TMED5: variants seen among roughly 807,000 people sequenced by gnomAD.
TMED5 encodes transmembrane emp24 domain-containing protein 5.
A neutral mutation model predicts 23.0 loss-of-function variants in TMED5; 27 were observed. The ratio of observed to expected loss-of-function variants is 1.17; its 90% CI spans 0.86 to 1.62. The LOEUF (loss-of-function observed/expected upper bound fraction) is 1.62, where lower values mean the gene tolerates loss of function less well. TMED5 is among the 40% of genes most tolerant of loss of function. TMED5 has a pLI of 0.00. For synonymous variants in TMED5, 97 were observed against 100.8 expected, an observed-to-expected ratio of 0.96 and a Z score of 0.23; for missense variants, 248 against 273.7, an observed-to-expected ratio of 0.91 and a Z score of 0.66.
rs1007326832 is a variant in TMED5, at chr1:93,151,405, A to G, written c.*3265T>C. ...TGAACAAGTTTTAAAATATTTCTGA[A>G]AATGAAATAGTCTCAAAGGAGTTTT... On this transcript the variant is annotated 3_prime_UTR_variant, in exon 4 of 4. Transcript: ENST00000370282. 6.6e-6 allele frequency: 1 copy of G among 152,210 alleles called. No individual in the cohort carries two copies. The highest frequency in any genetic ancestry group is 2.4e-5 in the African/African-American group (1 of 41,446). The allele number at this position is 152,210 out of a possible 1,614,324, so 9.4% of individuals were successfully genotyped here. A position where few individuals can be genotyped will look rare whatever the true frequency, so the allele number is the denominator to read the frequency against.
In TMED5 at chr1:93,150,478, T is replaced by C. The variant is rs1239369476; in HGVS notation, c.*4192A>G. 1 of 152,238 alleles carries C rather than the reference T, an allele frequency of 6.6e-6. No individual in the cohort carries two copies. Among genetic ancestry groups the C allele is most frequent in the Non-Finnish European group, 1.5e-5 (1 of 68,042 alleles). 9.4% of individuals were successfully genotyped at this position (152,238 alleles called of 1,614,324 possible). ...AGGGATAACTGTCAAGTAGTACAAA[T>C]GCCAGTTATATGTTAAATGTATGTT... On this transcript the variant is annotated 3_prime_UTR_variant, in exon 4 of 4. Transcript: ENST00000370282.
intron 2 of TMED5, among the ~76,000 whole-genome samples, chr1:93,157,609 G>A (rs537777330): frequency 3.7e-4 from 57 of 152,076 alleles, no homozygotes; most frequent in African/African-American, 1.2e-3. Flanking sequence ...CTAGCTACTC[G>A]GGAGGCTTGG....
At chr1:93,179,420 G>T (rs1298359757) in intron 1 of TMED5, among the ~76,000 whole-genome samples, 1 of 149,610 alleles carries the variant, frequency 6.7e-6, no homozygotes, top group Non-Finnish European at 1.5e-5. Context: ...AATGCTCAAT[G>T]AAAAAATGAA....
Position 93,152,280 on chromosome 1 carries a change from A to T in TMED5, c.*2390T>A, listed in dbSNP as rs1188530678. ...CTTAGTTAAATATTGTAGTATTTTTAAAATTTGTATATTGAAAAAGACAAA... is the reference window on the plus strand; with the variant it reads ...CTTAGTTAAATATTGTAGTATTTTTTAAATTTGTATATTGAAAAAGACAAA... On this transcript the variant is annotated 3_prime_UTR_variant, in exon 4 of 4. Coordinates refer to ENST00000370282, the MANE Select transcript of TMED5 (RefSeq NM_016040.5). 1 of 152,586 alleles carries T rather than the reference A, an allele frequency of 6.6e-6. No individual in the cohort carries two copies. Among genetic ancestry groups the T allele is most frequent in the African/African-American group, 2.4e-5 (1 of 41,442 alleles). 9.5% of individuals were successfully genotyped at this position (152,586 alleles called of 1,614,324 possible).
chr1:93,171,119 A>C (rs1372660488), intron 1 of TMED5, among the ~76,000 whole-genome samples: 1 of 152,026 alleles, frequency 6.6e-6, no homozygotes, highest in Non-Finnish European at 1.5e-5. Context: ...AACACTCACC[A>C]CGAAGGTCTG....
chr1:93,169,457 A>C (rs895771152), intron 1 of TMED5, among the ~76,000 whole-genome samples: 2 of 152,162 alleles, frequency 1.3e-5, no homozygotes, highest in African/African-American at 4.8e-5. Flanking sequence ...TTATTAGAAA[A>C]GAAGAAAGAT....
intron 1 of TMED5, among the ~76,000 whole-genome samples, chr1:93,171,781 C>G (rs909572691): frequency 6.6e-6 from 1 of 152,190 alleles, no homozygotes; most frequent in Non-Finnish European, 1.5e-5. Flanking sequence ...ACCAGTATCT[C>G]TTAGGAACAC....
At chr1:93,158,580 TTG>T (rs1407577275) in intron 2 of TMED5, among the ~76,000 whole-genome samples, 3 of 150,896 alleles carry the variant, frequency 2.0e-5, no homozygotes, top group Admixed American at 6.6e-5. Flanking sequence ...ATTTTTAGTT[TTG>T]TTTTTTTTTT....
At chr1:93,176,576 G>T (rs1185007986) in intron 1 of TMED5, among the ~76,000 whole-genome samples, 1 of 151,898 alleles carries the variant, frequency 6.6e-6, no homozygotes, top group Admixed American at 6.6e-5. Flanking sequence ...TCTTGTCACC[G>T]AGGCTGGAGT....
rs1647945570 is a variant in TMED5 at position 93,153,388 on chromosome 1, T to A, written c.*1282A>T. ...TTAATAAAAGTTGTTATAATAAAAA[T>A]TTTTAATAAATATGTACACCCAGTG... On this transcript the variant is annotated 3_prime_UTR_variant, in exon 4 of 4. Transcript: ENST00000370282. 1 of 152,108 alleles carries A rather than the reference T, an allele frequency of 6.6e-6. No individual in the cohort carries two copies. The highest frequency in any genetic ancestry group is 1.5e-5 in the Non-Finnish European group (1 of 67,954). 9.4% of individuals were successfully genotyped at this position (152,108 alleles called of 1,614,324 possible). A position where few individuals can be genotyped will look rare whatever the true frequency, so the allele number is the denominator to read the frequency against.
intron 1 of TMED5, among the ~76,000 whole-genome samples, chr1:93,165,778 A>T (rs985695960): frequency 6.6e-6 from 1 of 152,222 alleles, no homozygotes. Flanking sequence ...CAAAGCAAAA[A>T]TATTTTAAAA....
chr1:93,175,247 G>T, intron 1 of TMED5, among the ~76,000 whole-genome samples: 1 of 131,176 alleles, frequency 7.6e-6, no homozygotes. Flanking sequence ...TAGTATCTTG[G>T]CACATGTTGT....
intron 1 of TMED5, among the ~76,000 whole-genome samples, chr1:93,171,917 T>C (rs1001974115): frequency 2.6e-5 from 4 of 152,216 alleles, no homozygotes; most frequent in African/African-American, 9.7e-5. Flanking sequence ...TGAATTATTT[T>C]GTGTAATTCA....
At chr1:93,175,785 C>T (rs932754240) in intron 1 of TMED5, among the ~76,000 whole-genome samples, 2 of 152,188 alleles carry the variant, frequency 1.3e-5, no homozygotes, top group East Asian at 1.9e-4. Flanking sequence ...GTTTGGTAAA[C>T]GTCTGGTTCA....
At chr1:93,158,237 A>G (rs913456629) in intron 2 of TMED5, among the ~76,000 whole-genome samples, 4 of 152,224 alleles carry the variant, frequency 2.6e-5, no homozygotes, top group African/African-American at 7.2e-5. Context: ...ACCTTCAGCA[A>G]CTTAATTGTT....
intron 1 of TMED5, among the ~76,000 whole-genome samples, chr1:93,174,279 T>C (rs942993315): frequency 3.9e-5 from 6 of 152,118 alleles, no homozygotes; most frequent in African/African-American, 1.4e-4. Context: ...TTTTTTTGCT[T>C]TTACATCTTT....
Position 93,150,418 on chromosome 1 carries a change from A to G in TMED5, c.*4252T>C, listed in dbSNP as rs1013466450. Reference sequence around the variant, plus strand: ...TTTGGCTATTATAAATGAAGGTGCTATGTAACATTTGTGAATGTTAAGTTT... The same window carrying G: ...TTTGGCTATTATAAATGAAGGTGCTGTGTAACATTTGTGAATGTTAAGTTT... On this transcript the variant is annotated 3_prime_UTR_variant, in exon 4 of 4. Transcript: ENST00000370282. The G allele has an allele frequency of 1.3e-5, 2 of 152,214 alleles. No individual in the cohort carries two copies. The highest frequency in any genetic ancestry group is 2.4e-5 in the African/African-American group (1 of 41,442). 9.4% of individuals were successfully genotyped at this position (152,214 alleles called of 1,614,324 possible).
intron 1 of TMED5, chr1:93,162,786 C>T (rs545664045): frequency 3.9e-5 from 6 of 152,272 alleles, no homozygotes; most frequent in Admixed American, 3.9e-4. Context: ...TAGTAGAGAA[C>T]TGCAAAATAC....
At chr1:93,157,907 G>A (rs1320463768) in intron 2 of TMED5, among the ~76,000 whole-genome samples, 1 of 152,172 alleles carries the variant, frequency 6.6e-6, no homozygotes, top group South Asian at 2.1e-4. Context: ...GGCAGATCAC[G>A]AGGTCAGGAG....
Sources: allele counts gnomAD v4.1 joint callset (sites outside exome capture counted in the v4.1 genomes callset), GRCh38; gene constraint gnomAD v4.1.1; transcripts MANE v1.5; gene names NCBI Gene and HGNC (gene_info 2026-07-23, HGNC 2026-07-21).